Variants in CRTAC1 observed in about 807,000 individuals in gnomAD.
CRTAC1 encodes the protein acidic secreted protein in cartilage.
Under a neutral mutation model 67.8 loss-of-function variants are expected in CRTAC1, and 37 were observed. The ratio of observed to expected loss-of-function variants is 0.55; its 90% CI spans 0.42 to 0.72. The LOEUF is 0.72. Among genes scored for constraint, CRTAC1 ranks in the 30% least tolerant of loss-of-function variants. The pLI is 0.00. For missense variants in CRTAC1, 780 were observed against 931.6 expected, an observed-to-expected ratio of 0.84 and a Z score of 2.12; for synonymous variants, 348 against 371.0, an observed-to-expected ratio of 0.94 and a Z score of 0.71.
At chr10:97,931,040 A>G (rs1370852841) in intron 3 of CRTAC1, among the ~76,000 whole-genome samples, 1 of 152,258 alleles carries the variant, frequency 6.6e-6, no homozygotes. Context: ...CCAATAATCA[A>G]TACAAAAATA....
At position 97,891,867 on chromosome 10, in the gene CRTAC1, C is replaced by T. The variant is rs60308123; in HGVS notation, c.1486+3378G>A. 5.5e-3 allele frequency among the ~76,000 whole-genome samples: 840 copies of T among 152,366 alleles called. 7 individuals carry two copies. The highest frequency in any genetic ancestry group is 0.02 in the African/African-American group (811 of 41,584). ...GCCCCGCCTCTCGCTGTGTCCCTGG[C>T]GGCTGGGTTGGCCACCTGCTGAGGC... On this transcript the variant is annotated intron_variant, in intron 11 of 14. Transcript: ENST00000370597.
intron 2 of CRTAC1, among the ~76,000 whole-genome samples, chr10:97,957,878 C>T (rs1030839988): frequency 6.6e-6 from 1 of 152,100 alleles, no homozygotes; most frequent in South Asian, 2.1e-4. Context: ...CAGGAAATGG[C>T]AGGAACAATC....
At chr10:98,017,737 A>G (rs1036052305) in intron 1 of CRTAC1, among the ~76,000 whole-genome samples, 13 of 146,864 alleles carry the variant, frequency 8.9e-5, no homozygotes, top group African/African-American at 3.3e-4. Context: ...GGGTCTTGCT[A>G]TGTTGCCCAG....
intron 2 of CRTAC1, among the ~76,000 whole-genome samples, chr10:97,983,651 G>A (rs747866704): frequency 1.3e-5 from 2 of 152,154 alleles, no homozygotes; most frequent in African/African-American, 2.4e-5. Flanking sequence ...TCTTCCTTGT[G>A]TCTGAAAGTA....
intron 6 of CRTAC1, 87 bp from the exon 7 acceptor site, chr10:97,904,901 C>A: frequency 7.1e-7 from 1 of 1,409,138 alleles, no homozygotes; most frequent in Non-Finnish European, 9.3e-7. Context: ...TGACAAGCAA[C>A]TAGGGAGGGT....
chr10:97,883,370 G>C (rs970977633), intron 12 of CRTAC1, among the ~76,000 whole-genome samples: 10 of 152,258 alleles, frequency 6.6e-5, no homozygotes, highest in African/African-American at 2.4e-4. Flanking sequence ...AGAGTTGGGA[G>C]CCGGCCCTGC....
intron 11 of CRTAC1, among the ~76,000 whole-genome samples, chr10:97,889,553 A>G (rs2050336602): frequency 6.6e-6 from 1 of 151,874 alleles, no homozygotes; most frequent in Non-Finnish European, 1.5e-5. Flanking sequence ...CCCTCTGGGA[A>G]CCCCGCATGC....
At chr10:98,004,606 T>A (rs1298538842) in intron 2 of CRTAC1, among the ~76,000 whole-genome samples, 1 of 152,152 alleles carries the variant, frequency 6.6e-6, no homozygotes, top group African/African-American at 2.4e-5. Context: ...TGTGTAAGGA[T>A]GTACATGCAG....
At chr10:97,981,193 T>C (rs193045644) in intron 2 of CRTAC1, among the ~76,000 whole-genome samples, 134 of 152,320 alleles carry the variant, frequency 8.8e-4, no homozygotes, top group African/African-American at 3.0e-3. Context: ...ATTATGATCA[T>C]TAAAAGTCTT....
At chr10:98,004,444 A>C (rs1180991575) in intron 2 of CRTAC1, among the ~76,000 whole-genome samples, 3 of 152,240 alleles carry the variant, frequency 2.0e-5, no homozygotes, top group African/African-American at 7.2e-5. Flanking sequence ...TGAGCTGAAT[A>C]ATCCAAAACC....
chr10:97,871,982 G>A (rs760980590), intron 14 of CRTAC1, among the ~76,000 whole-genome samples: 117 of 152,336 alleles, frequency 7.7e-4, no homozygotes, highest in Non-Finnish European at 1.5e-3. Flanking sequence ...GCCCCAAGAA[G>A]GGGGCAATGT....
At chr10:97,883,099 C>A (rs1477742611) in intron 12 of CRTAC1, among the ~76,000 whole-genome samples, 1 of 152,248 alleles carries the variant, frequency 6.6e-6, no homozygotes, top group African/African-American at 2.4e-5. Flanking sequence ...TCTAACAGAA[C>A]CTGTCCCTTC....
chr10:97,971,401 G>A (rs141222524), intron 2 of CRTAC1, among the ~76,000 whole-genome samples: 80 of 152,316 alleles, frequency 5.3e-4, no homozygotes, highest in African/African-American at 1.8e-3. Flanking sequence ...TAAGTCAGCC[G>A]CAGAAAGGCA....
At chr10:97,886,767 C>T (rs1386796639) in intron 11 of CRTAC1, among the ~76,000 whole-genome samples, 1 of 151,226 alleles carries the variant, frequency 6.6e-6, no homozygotes, top group Non-Finnish European at 1.5e-5. Flanking sequence ...GCCTCAGCCT[C>T]CTGAGTAGTT....
intron 2 of CRTAC1, among the ~76,000 whole-genome samples, chr10:97,958,811 G>T (rs1292703336): frequency 2.0e-5 from 3 of 152,148 alleles, no homozygotes; most frequent in Non-Finnish European, 4.4e-5. Flanking sequence ...TGCTCTCCCA[G>T]GGGCCAGAGA....
chr10:97,885,894 T>C (rs1366396936), intron 11 of CRTAC1, among the ~76,000 whole-genome samples: 1 of 152,242 alleles, frequency 6.6e-6, no homozygotes, highest in East Asian at 1.9e-4. Context: ...TCCTAATATA[T>C]GTAGATACTG....
intron 2 of CRTAC1, among the ~76,000 whole-genome samples, chr10:97,996,500 C>A (rs1842573255): frequency 6.6e-6 from 1 of 151,962 alleles, no homozygotes; most frequent in Non-Finnish European, 1.5e-5. Context: ...TCATCACTGG[C>A]CATCAGAGAA....
Position 97,901,542 on chromosome 10 carries a change from T to G in CRTAC1, c.1094A>C (p.Asn365Thr), listed in dbSNP as rs760742687. 1 of 1,614,092 alleles carries G rather than the reference T, an allele frequency of 6.2e-7. No individual in the cohort carries two copies. Among genetic ancestry groups the G allele is most frequent in the Middle Eastern group, 1.6e-4 (1 of 6,062 alleles). The stretch of plus-strand genomic sequence containing the variant: ...GGCTGAGGAGCTGCGGTAGGCAATG[T>G]TGTTGAAGAAGATCTCCAGCTCCTG... ...NDQELEIFFNNIAYRSSSANR... is the reference protein window; with the variant it reads ...NDQELEIFFNTIAYRSSSANR... Residue 365 changes from asparagine (N) to threonine (T), a missense_variant, in exon 8 of 15, where the codon AAC (asparagine) becomes ACC (threonine). Coordinates refer to ENST00000370597, the MANE Select transcript of CRTAC1 (RefSeq NM_018058.7).
intron 5 of CRTAC1, among the ~76,000 whole-genome samples, chr10:97,913,693 T>C (rs1478245311): frequency 6.6e-6 from 1 of 152,204 alleles, no homozygotes; most frequent in East Asian, 1.9e-4. Flanking sequence ...AGGCCCGTGC[T>C]GCACTTCCTG....
Sources: gnomAD v4.1 joint callset for allele counts (sites outside exome capture counted in the v4.1 genomes callset) on GRCh38, gnomAD v4.1.1 for gene constraint, MANE v1.5 for transcripts, NCBI Gene and HGNC (gene_info 2026-07-23, HGNC 2026-07-21) for gene names.